The following NOS1AP variants were observed in gnomAD, a reference collection of about 807,000 sequenced individuals.
The protein encoded by NOS1AP is carboxyl-terminal PDZ ligand of neuronal nitric oxide synthase protein.
A neutral mutation model predicts 56.2 loss-of-function variants in NOS1AP; 21 were observed. The observed-to-expected ratio is 0.37, with a 90% CI of 0.26 to 0.54. The LOEUF (loss-of-function observed/expected upper bound fraction) is 0.54. NOS1AP is among the 20% of genes least tolerant of loss of function. NOS1AP has a pLI of 0.84. For synonymous variants in NOS1AP, 270 were observed against 274.6 expected, an observed-to-expected ratio of 0.98 and a Z score of 0.17; for missense variants, 522 against 657.8, an observed-to-expected ratio of 0.79 and a Z score of 2.26.
intron 1 of NOS1AP, among the ~76,000 whole-genome samples, chr1:162,114,097 A>G (rs1418660014): frequency 2.0e-5 from 3 of 152,318 alleles, no homozygotes; most frequent in East Asian, 3.9e-4. Context: ...TGTTTGGATT[A>G]TAAACAAACA....
chr1:162,291,260 A>C (rs1444693161), intron 3 of NOS1AP, among the ~76,000 whole-genome samples: 1 of 152,216 alleles, frequency 6.6e-6, no homozygotes, highest in African/African-American at 2.4e-5. Context: ...TTTTAAGGGC[A>C]GGAGCCATCT....
intron 1 of NOS1AP, among the ~76,000 whole-genome samples, chr1:162,088,699 T>A (rs1478950636): frequency 6.6e-6 from 1 of 152,188 alleles, no homozygotes; most frequent in Admixed American, 6.5e-5. Flanking sequence ...CAAGACGGTT[T>A]GAGGTGTGCC....
intron 8 of NOS1AP, chr1:162,364,299 C>T (rs1003381082): frequency 6.1e-6 from 6 of 985,470 alleles, no homozygotes; most frequent in Non-Finnish European, 7.2e-6. Flanking sequence ...CCCTTTTCCC[C>T]ATAAGCTACA....
At chr1:162,235,230 T>G (rs1222681320) in intron 2 of NOS1AP, among the ~76,000 whole-genome samples, 1 of 152,194 alleles carries the variant, frequency 6.6e-6, no homozygotes, top group Non-Finnish European at 1.5e-5. Flanking sequence ...TTCACTCAGC[T>G]AACTTGAATT....
chr1:162,355,391 G>A (rs145566399), intron 7 of NOS1AP, 38 bp downstream of exon 7: 79 of 1,611,226 alleles, frequency 4.9e-5, no homozygotes, highest in Middle Eastern at 1.6e-4. Flanking sequence ...ATCTGCACAC[G>A]TGTGCCCTCA....
chr1:162,365,304 G>T, intron 8 of NOS1AP, 100 bp from the exon 9 acceptor site: 1 of 1,590,214 alleles, frequency 6.3e-7, no homozygotes, highest in South Asian at 1.1e-5. Context: ...GAATGTGGAG[G>T]GCATCTCTGG....
At chr1:162,274,434 G>A (rs569189683) in intron 2 of NOS1AP, among the ~76,000 whole-genome samples, 1 of 152,186 alleles carries the variant, frequency 6.6e-6, no homozygotes, top group African/African-American at 2.4e-5. Flanking sequence ...ACTTCCCTCA[G>A]CAACCTGCAT....
At chr1:162,080,970 A>G (rs1024163282) in intron 1 of NOS1AP, among the ~76,000 whole-genome samples, 1 of 152,154 alleles carries the variant, frequency 6.6e-6, no homozygotes, top group African/African-American at 2.4e-5. Context: ...TAACTTGCTC[A>G]TGGTCTACAT....
intron 2 of NOS1AP, among the ~76,000 whole-genome samples, chr1:162,246,516 A>T (rs186006228): frequency 6.6e-6 from 1 of 152,308 alleles, no homozygotes; most frequent in South Asian, 2.1e-4. Flanking sequence ...AAAACATATA[A>T]TTCTTGCTCT....
chr1:162,273,397 C>T (rs1367453462), intron 2 of NOS1AP, among the ~76,000 whole-genome samples: 2 of 152,168 alleles, frequency 1.3e-5, no homozygotes, highest in African/African-American at 4.8e-5. Flanking sequence ...GATCTCCTGA[C>T]CTCGTGATCC....
chr1:162,180,230 TTTTTATTTATTTA>T (rs1651204910), intron 2 of NOS1AP, among the ~76,000 whole-genome samples: 1 of 152,044 alleles, frequency 6.6e-6, no homozygotes, highest in Non-Finnish European at 1.5e-5. Context: ...TGTTATTTTA[TTTTTATTTATTTA>T]TTTTATTTAT....
At chr1:162,281,801 TGTG>T (rs1468557141) in intron 2 of NOS1AP, among the ~76,000 whole-genome samples, 1 of 152,236 alleles carries the variant, frequency 6.6e-6, no homozygotes, top group Non-Finnish European at 1.5e-5. Context: ...ATTTTTGTAT[TGTG>T]GTAAAATATA....
rs1655809157 is a variant in NOS1AP at position 162,305,895 on chromosome 1, GT to G, written c.344+5195del. On this transcript the variant is annotated intron_variant, in intron 4 of 9. Transcript: ENST00000361897. Reference sequence around the variant, plus strand: ...ATTCTTTATTTCTATAGGTTTCTTTGTTTTTTAGCCTAAATATAAAACTTTA... The same window carrying G: ...ATTCTTTATTTCTATAGGTTTCTTTGTTTTTAGCCTAAATATAAAACTTTA... 2.6e-5 allele frequency among the ~76,000 whole-genome samples: 4 copies of G among 152,158 alleles called. No homozygotes were observed. In the South Asian group the frequency reaches 8.3e-4, roughly 32 times the overall value.
At chr1:162,350,355 GTCTT>G (rs1231979111) in intron 6 of NOS1AP, among the ~76,000 whole-genome samples, 1 of 152,218 alleles carries the variant, frequency 6.6e-6, no homozygotes, top group Non-Finnish European at 1.5e-5. Flanking sequence ...CTTTGTGCCT[GTCTT>G]TCTTTCTTCC....
At chr1:162,293,065 AATT>A (rs1257191906) in intron 3 of NOS1AP, among the ~76,000 whole-genome samples, 1 of 152,176 alleles carries the variant, frequency 6.6e-6, no homozygotes, top group Non-Finnish European at 1.5e-5. Context: ...GCCTATTAGG[AATT>A]GTGCACATGG....
At chr1:162,345,501 G>A (rs1388310770) in intron 6 of NOS1AP, among the ~76,000 whole-genome samples, 1 of 152,078 alleles carries the variant, frequency 6.6e-6, no homozygotes, top group Non-Finnish European at 1.5e-5. Flanking sequence ...AAACTCATGG[G>A]ATATAGCTAA....
chr1:162,315,556 G>A (rs1482976097), intron 4 of NOS1AP, among the ~76,000 whole-genome samples: 2 of 152,180 alleles, frequency 1.3e-5, no homozygotes, highest in Non-Finnish European at 2.9e-5. Flanking sequence ...GGATGACTGC[G>A]AGGTCCAGAG....
intron 5 of NOS1AP, among the ~76,000 whole-genome samples, chr1:162,335,901 C>T (rs796794445): frequency 2.0e-5 from 3 of 152,244 alleles, no homozygotes; most frequent in African/African-American, 7.2e-5. Flanking sequence ...TGGTTGAGGG[C>T]CTCCCTCGAC....
intron 2 of NOS1AP, among the ~76,000 whole-genome samples, chr1:162,178,631 G>C (rs57438107): frequency 0.019 from 2,849 of 152,236 alleles, 109 homozygotes; most frequent in African/African-American, 0.065. Context: ...TTTTCCCACT[G>C]CGTCATGCCG....
Sources: allele counts gnomAD v4.1 joint callset (sites outside exome capture counted in the v4.1 genomes callset), GRCh38; gene constraint gnomAD v4.1.1; transcripts MANE v1.5; gene names NCBI Gene and HGNC (gene_info 2026-07-23, HGNC 2026-07-21).